SAP130: variants seen among roughly 807,000 people sequenced by gnomAD.
SAP130 encodes the protein histone deacetylase complex subunit SAP130.
SAP130 carries 16 observed loss-of-function variants against 103.2 expected under a neutral mutation model. The observed-to-expected ratio is 0.16, with a 90% CI of 0.10 to 0.24. SAP130 has a LOEUF of 0.24. Ranked by LOEUF, SAP130 falls within the 10% of genes least tolerant of loss-of-function variation. SAP130 has a pLI of 1.00. For missense variants in SAP130, 990 were observed against 1,359.7 expected (o/e 0.73, Z 4.28); for synonymous variants, 477 against 497.0 (o/e 0.96, Z 0.53).
At chr2:128,010,983 C>T (rs978341652) in intron 6 of SAP130, among the ~76,000 whole-genome samples, 17 of 142,646 alleles carry the variant, frequency 1.2e-4, no homozygotes, top group Admixed American at 2.8e-4. Context: ...TTTGATTGAA[C>T]AGTACATGAG....
At chr2:127,992,138 A>T (rs1305420724) in intron 12 of SAP130, among the ~76,000 whole-genome samples, 1 of 151,852 alleles carries the variant, frequency 6.6e-6, no homozygotes, top group African/African-American at 2.4e-5. Context: ...TGCCCACCTA[A>T]TTTTTTAATT....
chr2:127,956,846 T>C (rs1359903785), intron 15 of SAP130, among the ~76,000 whole-genome samples: 1 of 152,152 alleles, frequency 6.6e-6, no homozygotes, highest in Non-Finnish European at 1.5e-5. Context: ...GATTGGTTGG[T>C]TGCTGGGGAG....
intron 15 of SAP130, among the ~76,000 whole-genome samples, chr2:127,975,913 T>C (rs1217473940): frequency 1.8e-4 from 27 of 152,218 alleles, no homozygotes; most frequent in Admixed American, 1.8e-3. Flanking sequence ...GGTGCGATCT[T>C]GGCTCACTGC....
intron 14 of SAP130, among the ~76,000 whole-genome samples, chr2:127,983,768 T>C (rs1056672409): frequency 2.6e-5 from 4 of 152,024 alleles, no homozygotes; most frequent in Admixed American, 1.3e-4. Flanking sequence ...GCAGGGCATT[T>C]CTGTAACCAG....
intron 18 of SAP130, among the ~76,000 whole-genome samples, chr2:127,949,161 G>C (rs769740772): frequency 1.3e-5 from 2 of 152,182 alleles, no homozygotes; most frequent in Non-Finnish European, 2.9e-5. Context: ...GAGCCTTCAA[G>C]AAAACCCTTA....
intron 2 of SAP130, among the ~76,000 whole-genome samples, chr2:128,019,252 A>T (rs1241953085): frequency 6.6e-6 from 1 of 151,694 alleles, no homozygotes; most frequent in Non-Finnish European, 1.5e-5. Flanking sequence ...CAATCTATTT[A>T]AAAATTTTTT....
intron 19 of SAP130, 147 bp downstream of exon 19, chr2:127,945,309 A>G: frequency 1.7e-6 from 1 of 594,042 alleles, no homozygotes; most frequent in Non-Finnish European, 3.0e-6. Context: ...ACAGTGTGAT[A>G]TTACATAGCA....
chr2:128,017,669 C>T lies in SAP130; in HGVS notation c.348+11G>A. 1 of 1,611,332 alleles carries T rather than the reference C, an allele frequency of 6.2e-7. No homozygotes were observed. Among genetic ancestry groups the T allele is most frequent in the South Asian group, 1.1e-5 (1 of 90,998 alleles). ...TCTGGTTCAGTGTGAAGTTTTAACC[C>T]TCTCCATTACCTTCATAAGTCCCTC... On this transcript the variant is annotated intron_variant, in intron 3 of 20. Coordinates refer to ENST00000643581, the MANE Select transcript of SAP130 (RefSeq NM_001330301.2).
At chr2:127,963,699 T>C (rs1472513851) in intron 15 of SAP130, among the ~76,000 whole-genome samples, 1 of 152,184 alleles carries the variant, frequency 6.6e-6, no homozygotes, top group East Asian at 1.9e-4. Context: ...GGGGCGGGTC[T>C]TTCTTGTGCT....
chr2:127,996,229 G>C lies in SAP130; in HGVS notation c.1355+121C>G. Reference sequence around the variant, plus strand: ...ATTATACGAAGTGTTACTTTCAGGGGAAAATCTGAAAACATGAGTAATAAA... The same window carrying C: ...ATTATACGAAGTGTTACTTTCAGGGCAAAATCTGAAAACATGAGTAATAAA... On this transcript the variant is annotated intron_variant, in intron 11 of 20. Transcript: ENST00000643581. The surrounding 1 kb of genome is among the most constrained non-coding windows in gnomAD (Gnocchi z 4.3). 1.0e-6 allele frequency: 1 copy of C among 986,752 alleles called. No individual in the cohort carries two copies. The highest frequency in any genetic ancestry group is 1.4e-6 in the Non-Finnish European group (1 of 726,834). 61.1% of individuals were successfully genotyped at this position (986,752 alleles called of 1,614,324 possible). A position where few individuals can be genotyped will look rare whatever the true frequency, so the allele number is the denominator to read the frequency against.
chr2:127,945,576 T>C lies in SAP130; in HGVS notation c.2798-17A>G, dbSNP rs375897627. ...TCTTCTCCTCTGGAACCATAAAAAA[T>C]AAAAATACATGTATTTCAGTGTTTA... On this transcript the variant is annotated splice_polypyrimidine_tract_variant and intron_variant, in intron 18 of 20. Coordinates refer to ENST00000643581, the MANE Select transcript of SAP130 (RefSeq NM_001330301.2). 2 of 1,406,800 alleles carry C rather than the reference T, an allele frequency of 1.4e-6. No homozygotes were observed. Among genetic ancestry groups the C allele is most frequent in the Non-Finnish European group, 2.0e-6 (2 of 991,910 alleles). 87.1% of individuals were successfully genotyped at this position (1,406,800 alleles called of 1,614,324 possible). A position where few individuals can be genotyped will look rare whatever the true frequency, so the allele number is the denominator to read the frequency against.
rs1682671868 is a variant in SAP130 at position 127,989,922 on chromosome 2, A to G, written c.1478-56T>C. ...AGGTTAGCTTCATTTCACACAGTCC[A>G]CATAAAGAGAGAAACACTAAAAACG... On this transcript the variant is annotated intron_variant, in intron 12 of 20. Transcript: ENST00000643581. This position sits in a 1 kb window ranked among gnomAD's most constrained non-coding sequence, Gnocchi z 4.6. 10 of 1,501,988 alleles carry G rather than the reference A, an allele frequency of 6.7e-6. No individual in the cohort carries two copies. The highest frequency in any genetic ancestry group is 9.0e-6 in the Non-Finnish European group (10 of 1,105,406). 93.0% of individuals were successfully genotyped at this position (1,501,988 alleles called of 1,614,324 possible).
At chr2:128,005,734 C>T (rs1683924467) in intron 7 of SAP130, among the ~76,000 whole-genome samples, 1 of 151,896 alleles carries the variant, frequency 6.6e-6, no homozygotes, top group Non-Finnish European at 1.5e-5. Flanking sequence ...GCAACCTCCG[C>T]CTCCCAGGTT....
chr2:127,998,774 A>C (rs1291443557), intron 10 of SAP130, among the ~76,000 whole-genome samples: 1 of 152,234 alleles, frequency 6.6e-6, no homozygotes, highest in Admixed American at 6.5e-5. Context: ...GAAACTAGAC[A>C]GTCCCTCTGG....
chr2:127,954,107 A>C (rs1679672305), intron 16 of SAP130, among the ~76,000 whole-genome samples: 1 of 152,194 alleles, frequency 6.6e-6, no homozygotes, highest in East Asian at 1.9e-4. Context: ...TGAGTAGCAT[A>C]ACTGAGGGTG....
intron 7 of SAP130, 46 bp from the exon 8 acceptor site, chr2:128,000,500 C>T (rs749663009): frequency 1.9e-6 from 3 of 1,607,422 alleles, no homozygotes; most frequent in Middle Eastern, 1.7e-4. Flanking sequence ...AGGTCATTTA[C>T]AATCTTCTCC....
At chr2:128,026,987 G>A in intron 1 of SAP130, 5 of 1,098,122 alleles carry the variant, frequency 4.6e-6, no homozygotes, top group Non-Finnish European at 6.0e-6. Flanking sequence ...ACCGGAGGAC[G>A]CCGGTTTCCA....
Position 127,954,966 on chromosome 2 carries a change from T to A in SAP130, c.2422+20A>T. 1.3e-6 allele frequency: 2 copies of A among 1,535,876 alleles called. No homozygotes were observed. Among genetic ancestry groups the A allele is most frequent in the East Asian group, 4.5e-5 (2 of 44,188 alleles). On this transcript the variant is annotated intron_variant, in intron 16 of 20. Transcript: ENST00000643581. The stretch of plus-strand genomic sequence containing the variant: ...GGAAGAGGCAATTGCCAATGGAGAG[T>A]ATTCTATGGACGGACTTACCAGAAA...
chr2:128,027,158 G>A (rs1685567762), intron 1 of SAP130: 2 of 1,302,254 alleles, frequency 1.5e-6, no homozygotes, highest in Admixed American at 3.5e-5. Context: ...GCCGCGGAGG[G>A]CCCATCTCGG....
Sources: allele counts gnomAD v4.1 joint callset (sites outside exome capture counted in the v4.1 genomes callset), GRCh38; gene constraint gnomAD v4.1.1; non-coding constraint Gnocchi (gnomAD v3.1); transcripts MANE v1.5; gene names NCBI Gene and HGNC (gene_info 2026-07-23, HGNC 2026-07-21).